Variants in SLC4A4 observed in about 807,000 individuals in gnomAD.
SLC4A4 encodes electrogenic sodium bicarbonate cotransporter 1.
SLC4A4 carries 27 observed loss-of-function variants against 111.5 expected under a neutral mutation model. The observed-to-expected ratio is 0.24, with a 90% confidence interval of 0.18 to 0.33. The LOEUF (loss-of-function observed/expected upper bound fraction) is 0.33. SLC4A4 is among the 10% of genes least tolerant of loss of function. The pLI is 1.00. For synonymous variants in SLC4A4, 443 were observed against 463.4 expected, an observed-to-expected ratio of 0.96 and a Z score of 0.57; for missense variants, 909 against 1,315.5, an observed-to-expected ratio of 0.69 and a Z score of 4.78.
intron 1 of SLC4A4, among the ~76,000 whole-genome samples, chr4:71,218,541 G>A (rs78963196): frequency 0.041 from 6,224 of 152,142 alleles, 280 homozygotes; most frequent in South Asian, 0.2. Context: ...ATTCAAATCC[G>A]TACAAATCTA....
chr4:71,512,567 A>G (rs1732026575), intron 16 of SLC4A4, among the ~76,000 whole-genome samples: 1 of 152,116 alleles, frequency 6.6e-6, no homozygotes, highest in Non-Finnish European at 1.5e-5. Flanking sequence ...ATTTGCAAAT[A>G]TATTTTCTCA....
At position 71,265,145 on chromosome 4, in the gene SLC4A4, A is replaced by G. The variant is rs971064625; in HGVS notation, c.253+9746A>G. On this transcript the variant is annotated intron_variant, in intron 3 of 25. Transcript: ENST00000264485. The stretch of plus-strand genomic sequence containing the variant: ...GTAAAAACATCTAAGCAGTTAATAC[A>G]ATAGGATAAATTTGAGGATGTTCTT... 2.0e-5 allele frequency among the ~76,000 whole-genome samples: 3 copies of G among 152,212 alleles called. No homozygotes were observed. The South Asian group carries it at 6.2e-4, about 31-fold the overall frequency.
intron 2 of SLC4A4, among the ~76,000 whole-genome samples, chr4:71,165,753 T>G (rs1412945347): frequency 1.3e-5 from 2 of 152,124 alleles, no homozygotes; most frequent in Non-Finnish European, 2.9e-5. Context: ...ATTTTGAAAT[T>G]CTTCTTGTTA....
chr4:71,270,166 C>A (rs2149079508), intron 3 of SLC4A4, among the ~76,000 whole-genome samples: 1 of 152,332 alleles, frequency 6.6e-6, no homozygotes. Flanking sequence ...CGGCTCACTG[C>A]AACCTCTGCC....
intron 7 of SLC4A4, among the ~76,000 whole-genome samples, chr4:71,408,573 C>T (rs1055208532): frequency 1.3e-5 from 2 of 152,156 alleles, no homozygotes; most frequent in African/African-American, 4.8e-5. Context: ...AACTTCTGCT[C>T]TATACTGCTC....
At chr4:71,522,856 G>A (rs1273590702) in intron 16 of SLC4A4, among the ~76,000 whole-genome samples, 2 of 152,132 alleles carry the variant, frequency 1.3e-5, no homozygotes, top group African/African-American at 4.8e-5. Flanking sequence ...TTGAAGTGTG[G>A]CGCTTCAGAA....
rs190403278 is a variant in SLC4A4 at position 71,409,922 on chromosome 4, G to A, written c.807+12269G>A. 2.2e-3 allele frequency among the ~76,000 whole-genome samples: 338 copies of A among 152,340 alleles called. 1 individual carries two copies. Among genetic ancestry groups the A allele is most frequent in the African/African-American group, 7.8e-3 (324 of 41,578 alleles). On this transcript the variant is annotated intron_variant, in intron 7 of 25. Coordinates refer to ENST00000264485, the MANE Select transcript of SLC4A4 (RefSeq NM_001098484.3). ...CCAGCTGTGGCTGAAAGGGGCCAATGTAGAGCTCAGGCTGTGGCTTCAGAG... is the reference window on the plus strand; with the variant it reads ...CCAGCTGTGGCTGAAAGGGGCCAATATAGAGCTCAGGCTGTGGCTTCAGAG...
At chr4:71,477,301 C>A (rs1389214150) in intron 14 of SLC4A4, among the ~76,000 whole-genome samples, 1 of 151,656 alleles carries the variant, frequency 6.6e-6, no homozygotes, top group East Asian at 2.0e-4. Flanking sequence ...AAAATTTGTT[C>A]TTTTTCATAT....
At position 71,462,099 on chromosome 4, in the gene SLC4A4, G is replaced by T. The variant is rs1233777100; in HGVS notation, c.1498-4345G>T. On this transcript the variant is annotated intron_variant, in intron 12 of 25. Coordinates refer to ENST00000264485, the MANE Select transcript of SLC4A4 (RefSeq NM_001098484.3). ...TCTCTCCTTCGTCTCTTAAAGGAAAGAGAAATAATAGAGAGAGGCTGAAAA... is the reference window on the plus strand; with the variant it reads ...TCTCTCCTTCGTCTCTTAAAGGAAATAGAAATAATAGAGAGAGGCTGAAAA... 2.0e-5 allele frequency among the ~76,000 whole-genome samples: 3 copies of T among 152,060 alleles called. 1 individual carries two copies. Among genetic ancestry groups the T allele is most frequent in the Admixed American group, 2.0e-4 (3 of 15,242 alleles).
intron 1 of SLC4A4, among the ~76,000 whole-genome samples, chr4:71,088,804 G>A (rs1289270372): frequency 6.6e-6 from 1 of 152,028 alleles, no homozygotes; most frequent in Non-Finnish European, 1.5e-5. Context: ...TCCTTTGTGG[G>A]TAACCCGACC....
intron 1 of SLC4A4, among the ~76,000 whole-genome samples, chr4:71,067,612 G>C (rs1741554593): frequency 6.6e-6 from 1 of 152,112 alleles, no homozygotes; most frequent in African/African-American, 2.4e-5. Context: ...TTGAATCTAC[G>C]AGTCTGATTC....
intron 2 of SLC4A4, among the ~76,000 whole-genome samples, chr4:71,110,611 T>G (rs901610496): frequency 4.6e-5 from 7 of 152,198 alleles, no homozygotes; most frequent in African/African-American, 1.7e-4. Context: ...TGTTCTTGCC[T>G]AAGTTCGTAG....
chr4:71,355,319 C>G (rs1730187238), intron 5 of SLC4A4, among the ~76,000 whole-genome samples: 1 of 152,168 alleles, frequency 6.6e-6, no homozygotes, highest in Admixed American at 6.5e-5. Context: ...TTTTCTGGTT[C>G]TTCTGTAAAA....
chr4:71,534,434 T>A (rs188104135), intron 18 of SLC4A4, 46 bp downstream of exon 18: 2 of 1,584,670 alleles, frequency 1.3e-6, no homozygotes, highest in Non-Finnish European at 1.7e-6. Context: ...ACTTTCTTTT[T>A]AGTACTTGAA....
At chr4:71,071,728 A>G (rs11941079) in intron 1 of SLC4A4, among the ~76,000 whole-genome samples, 12,601 of 152,188 alleles carry the variant, frequency 0.083, 521 homozygotes, top group East Asian at 0.11. Flanking sequence ...TACTATCTTG[A>G]AGAGCATTCC....
intron 2 of SLC4A4, among the ~76,000 whole-genome samples, chr4:71,130,069 C>T (rs1008804281): frequency 2.6e-5 from 4 of 152,122 alleles, no homozygotes; most frequent in Admixed American, 1.3e-4. Flanking sequence ...AATCTGTACA[C>T]CAAACCCTTG....
intron 6 of SLC4A4, among the ~76,000 whole-genome samples, chr4:71,393,791 C>T (rs1014137555): frequency 4.6e-5 from 7 of 152,112 alleles, no homozygotes; most frequent in African/African-American, 1.7e-4. Context: ...ACCAAAACAG[C>T]ATGATACTGT....
intron 2 of SLC4A4, among the ~76,000 whole-genome samples, chr4:71,111,524 G>GTTTTTTTTTT (rs150777420): frequency 4.9e-5 from 3 of 60,818 alleles, no homozygotes; most frequent in African/African-American, 6.9e-5. Flanking sequence ...CCACGCTCAG[G>GTTTTTTTTTT]TTTTTTTTTT....
intron 7 of SLC4A4, among the ~76,000 whole-genome samples, chr4:71,433,637 A>T (rs1279690730): frequency 2.0e-5 from 3 of 152,096 alleles, no homozygotes; most frequent in East Asian, 3.8e-4. Context: ...CTTTAGTTTA[A>T]TTAGATCCCG....
Sources: allele counts gnomAD v4.1 joint callset (sites outside exome capture counted in the v4.1 genomes callset), GRCh38; gene constraint gnomAD v4.1.1; transcripts MANE v1.5; gene names NCBI Gene and HGNC (gene_info 2026-07-23, HGNC 2026-07-21).